ESRRB: variants seen among roughly 807,000 people sequenced by gnomAD.
ESRRB encodes steroid hormone receptor ERR2.
ESRRB carries 16 observed loss-of-function variants against 46.0 expected under a neutral mutation model. That is an observed-to-expected ratio of 0.35 (90% CI 0.24 to 0.53). The LOEUF is 0.53. Among genes scored for constraint, ESRRB ranks in the 20% least tolerant of loss-of-function variants. The probability of loss-of-function intolerance (pLI) is 0.93; values close to 1 mark genes in which losing one functional copy is unlikely to be tolerated. For synonymous variants in ESRRB, 246 were observed against 259.6 expected, an observed-to-expected ratio of 0.95 and a Z score of 0.50; for missense variants, 488 against 607.4, an observed-to-expected ratio of 0.80 and a Z score of 2.07.
chr14:76,443,580 G>T (rs1380440528), intron 2 of ESRRB, among the ~76,000 whole-genome samples: 1 of 152,142 alleles, frequency 6.6e-6, no homozygotes, highest in South Asian at 2.1e-4. Flanking sequence ...TCTTGGAGAG[G>T]TTGCCATTAT....
chr14:76,355,356 T>C (rs1026624887), intron 1 of ESRRB, among the ~76,000 whole-genome samples: 7 of 152,130 alleles, frequency 4.6e-5, no homozygotes, highest in Admixed American at 3.3e-4. Flanking sequence ...ACCACTCATG[T>C]TTCCCTCACT....
intron 1 of ESRRB, among the ~76,000 whole-genome samples, chr14:76,408,079 G>T (rs566105887): frequency 1.3e-5 from 2 of 152,206 alleles, no homozygotes; most frequent in African/African-American, 4.8e-5. Flanking sequence ...CAGTCTCGGG[G>T]CCCTGAGTCA....
chr14:76,338,968 G>A (rs1385196492), intron 1 of ESRRB, among the ~76,000 whole-genome samples: 1 of 152,130 alleles, frequency 6.6e-6, no homozygotes, highest in Non-Finnish European at 1.5e-5. Context: ...AAGAAAAATA[G>A]CATGCACCTC....
chr14:76,320,230 C>T (rs181678591), intron 1 of ESRRB, among the ~76,000 whole-genome samples: 36 of 152,222 alleles, frequency 2.4e-4, no homozygotes, highest in African/African-American at 6.0e-4. Flanking sequence ...CTACTGATGC[C>T]GTAGGACACT....
chr14:76,423,590 C>T (rs772340590), intron 1 of ESRRB, among the ~76,000 whole-genome samples: 5 of 152,092 alleles, frequency 3.3e-5, no homozygotes, highest in Admixed American at 1.3e-4. Flanking sequence ...TCTTCTCGGA[C>T]CTTGATCCTG....
intron 2 of ESRRB, among the ~76,000 whole-genome samples, chr14:76,461,001 G>A (rs1157287292): frequency 6.6e-6 from 1 of 151,918 alleles, no homozygotes. Flanking sequence ...CACTGCGCCC[G>A]GCCACTCCAA....
chr14:76,483,177 G>T (rs977709629), intron 5 of ESRRB, among the ~76,000 whole-genome samples: 2 of 152,206 alleles, frequency 1.3e-5, no homozygotes, highest in African/African-American at 4.8e-5. Flanking sequence ...GAGCAGTGAA[G>T]AGCATGGCCT....
intron 2 of ESRRB, among the ~76,000 whole-genome samples, chr14:76,444,155 C>T (rs1403462845): frequency 6.6e-6 from 1 of 151,854 alleles, no homozygotes; most frequent in African/African-American, 2.4e-5. Context: ...AGCTCAGCTT[C>T]CCAAGAAGCT....
Position 76,470,617 on chromosome 14 carries a change from C to T in ESRRB, c.577+7956C>T, listed in dbSNP as rs115391266. 3.8e-3 allele frequency among the ~76,000 whole-genome samples: 585 copies of T among 152,304 alleles called. 7 individuals are homozygous for T. The highest frequency in any genetic ancestry group is 0.013 in the African/African-American group (551 of 41,564). ...TGGGACGCTGTGTACCCAGCTAAAA[C>T]GTTGTTGGTATGGAAAAAGGGAATG... On this transcript the variant is annotated intron_variant, in intron 3 of 6. Coordinates refer to ENST00000644823, the MANE Select transcript of ESRRB (RefSeq NM_001379180.1).
At chr14:76,336,258 C>T (rs1595048392) in intron 1 of ESRRB, among the ~76,000 whole-genome samples, 1 of 151,666 alleles carries the variant, frequency 6.6e-6, no homozygotes, top group East Asian at 2.0e-4. Flanking sequence ...GAAGTCCTCT[C>T]CTGCACCTCT....
At chr14:76,452,653 C>CAAACA (rs1555399057) in intron 2 of ESRRB, among the ~76,000 whole-genome samples, 1,484 of 120,790 alleles carry the variant, frequency 0.012, 15 homozygotes, top group Non-Finnish European at 0.016. Context: ...CAAAACAAAA[C>CAAACA]AAAAAAAAAG....
At chr14:76,405,634 G>A (rs1490814734) in intron 1 of ESRRB, among the ~76,000 whole-genome samples, 2 of 151,962 alleles carry the variant, frequency 1.3e-5, no homozygotes, top group Non-Finnish European at 2.9e-5. Flanking sequence ...CAAAGCTCGG[G>A]ATTTGCACAT....
intron 1 of ESRRB, among the ~76,000 whole-genome samples, chr14:76,325,055 C>G (rs1187667964): frequency 2.7e-5 from 4 of 150,798 alleles, no homozygotes. Context: ...ACCTCCGCCT[C>G]CCAGGTTCAA....
intron 2 of ESRRB, among the ~76,000 whole-genome samples, chr14:76,453,705 G>C (rs1888491180): frequency 6.6e-6 from 1 of 151,272 alleles, no homozygotes; most frequent in Non-Finnish European, 1.5e-5. Flanking sequence ...ACCTCCCTGG[G>C]CTCAAGTGAT....
chr14:76,422,171 G>A (rs141778998), intron 1 of ESRRB, among the ~76,000 whole-genome samples: 1,553 of 151,552 alleles, frequency 0.01, 16 homozygotes, highest in Non-Finnish European at 0.015. Flanking sequence ...ACAGAATGTG[G>A]GCACGCACAC....
At chr14:76,340,195 C>T (rs7152058) in intron 1 of ESRRB, among the ~76,000 whole-genome samples, 38,994 of 152,008 alleles carry the variant, frequency 0.26, 5,146 homozygotes, top group East Asian at 0.3. Flanking sequence ...TGGAGGGAAT[C>T]GCTCTAACTC....
At chr14:76,437,942 T>A (rs1887745496) in intron 1 of ESRRB, among the ~76,000 whole-genome samples, 1 of 152,066 alleles carries the variant, frequency 6.6e-6, no homozygotes, top group African/African-American at 2.4e-5. Flanking sequence ...ACAGTGATCT[T>A]GCCATACTGG....
chr14:76,361,729 G>T (rs927217031), intron 1 of ESRRB, among the ~76,000 whole-genome samples: 1 of 152,184 alleles, frequency 6.6e-6, no homozygotes, highest in Non-Finnish European at 1.5e-5. Flanking sequence ...ATCTCTCATG[G>T]ATGGTCCTAA....
At chr14:76,464,227 G>C (rs1010637295) in intron 3 of ESRRB, among the ~76,000 whole-genome samples, 1 of 152,186 alleles carries the variant, frequency 6.6e-6, no homozygotes, top group Non-Finnish European at 1.5e-5. Flanking sequence ...GACAGGTTTG[G>C]AATCCAGACC....
Sources: gnomAD v4.1 joint callset for allele counts (sites outside exome capture counted in the v4.1 genomes callset) on GRCh38, gnomAD v4.1.1 for gene constraint, MANE v1.5 for transcripts, NCBI Gene and HGNC (gene_info 2026-07-23, HGNC 2026-07-21) for gene names.